The following TAMALIN variants were observed in gnomAD, a reference collection of about 807,000 sequenced individuals.
TAMALIN encodes protein TAMALIN.
In TAMALIN, 9 loss-of-function variants were observed where a neutral mutation model predicts 38.5. That is an observed-to-expected ratio of 0.23 (90% CI 0.14 to 0.41). TAMALIN has a LOEUF of 0.41. Ranked by LOEUF, TAMALIN falls within the 10% of genes least tolerant of loss-of-function variation. The probability of loss-of-function intolerance (pLI) is 1.00; values close to 1 mark genes in which losing one functional copy is unlikely to be tolerated. For synonymous variants in TAMALIN, 306 were observed against 256.5 expected, an observed-to-expected ratio of 1.19 and a Z score of -1.85; for missense variants, 548 against 554.1, an observed-to-expected ratio of 0.99 and a Z score of 0.11.
Position 52,010,865 on chromosome 12 carries a change from C to A in TAMALIN, c.297-16C>A, listed in dbSNP as rs1327741367. The A allele has an allele frequency of 1.9e-6, 3 of 1,613,720 alleles. No homozygotes were observed. In the African/African-American group the frequency reaches 4.0e-5, roughly 22 times the overall value. On this transcript the variant is annotated splice_polypyrimidine_tract_variant and intron_variant, in intron 2 of 7. Transcript: ENST00000293662. Reference sequence around the variant, plus strand: ...CCTTTTAATCCTAATTGTCTTGACCCCTGTGTCTCTTGCAGGAAAGTGCTG... The same window carrying A: ...CCTTTTAATCCTAATTGTCTTGACCACTGTGTCTCTTGCAGGAAAGTGCTG...
chr12:52,007,370 A>T lies in TAMALIN; in HGVS notation c.246+105A>T. On this transcript the variant is annotated intron_variant, in intron 1 of 7. Coordinates refer to ENST00000293662, the MANE Select transcript of TAMALIN (RefSeq NM_181711.4). This position sits in a 1 kb window ranked among gnomAD's most constrained non-coding sequence, Gnocchi z 6.7. ...CTCCTCGGCGTCCGCGGAGTCCCCC[A>T]CCTTCTTCCCCGGCCCGCTGGGTGC... The T allele has an allele frequency of 8.7e-6, 11 of 1,270,894 alleles. No homozygotes were observed. The highest frequency in any genetic ancestry group is 1.1e-5 in the Non-Finnish European group (11 of 1,009,150). The allele number at this position is 1,270,894 out of a possible 1,614,324, so 78.7% of individuals were successfully genotyped here.
Position 52,008,205 on chromosome 12 carries a change from C to T in TAMALIN, c.246+940C>T, listed in dbSNP as rs923095992. 11 of 985,334 alleles carry T rather than the reference C, an allele frequency of 1.1e-5. No homozygotes were observed. In the African/African-American group the frequency reaches 1.2e-4, roughly 11 times the overall value. 61.0% of individuals were successfully genotyped at this position (985,334 alleles called of 1,614,324 possible). A position where few individuals can be genotyped will look rare whatever the true frequency, so the allele number is the denominator to read the frequency against. The stretch of plus-strand genomic sequence containing the variant: ...TGAGGCCAATCTGGTTCTGAACCTT[C>T]TCTTCCTTGCCTTGGGCAGCTTTGG... On this transcript the variant is annotated intron_variant, in intron 1 of 7. Transcript: ENST00000293662.
At position 52,014,709 on chromosome 12, in the gene TAMALIN, A is replaced by G; in HGVS notation, c.698A>G (p.Asp233Gly). ...CTCTGCGCAGGCCTGGTGGTGAAGG[A>G]CCCCAGCATCTACGACACGCTGGAG... ...QRLVHGLVVK[D>G]PSIYDTLESV... The change falls in exon 8 of 8, where the codon GAC becomes GGC. Residue 233 changes from aspartate (D) to glycine (G), a missense_variant. Around this residue, in one of 3 missense-constraint regions of TAMALIN, gnomAD observed 415 missense variants for 417.0 expected, o/e 1.00. Coordinates refer to ENST00000293662, the MANE Select transcript of TAMALIN (RefSeq NM_181711.4). 1 of 1,499,780 alleles carries G rather than the reference A, an allele frequency of 6.7e-7. No homozygotes were observed. The allele number at this position is 1,499,780 out of a possible 1,614,324, so 92.9% of individuals were successfully genotyped here. A position where few individuals can be genotyped will look rare whatever the true frequency, so the allele number is the denominator to read the frequency against.
chr12:52,013,474 A>G (rs1937708017), intron 4 of TAMALIN: 1 of 570,590 alleles, frequency 1.8e-6, no homozygotes, highest in Non-Finnish European at 3.2e-6. Flanking sequence ...TAGTCACTAC[A>G]GGCCCACAAG....
intron 4 of TAMALIN, among the ~76,000 whole-genome samples, chr12:52,013,090 T>G (rs1188488005): frequency 6.7e-6 from 1 of 149,782 alleles, no homozygotes; most frequent in African/African-American, 2.5e-5. Flanking sequence ...TTTTTTTTTT[T>G]TTTTTGAGAC....
Position 52,014,761 on chromosome 12 carries a change from G to A in TAMALIN, c.750G>A (p.Ala250=). The change falls in exon 8 of 8, where the codon GCG becomes GCA. Residue 250 remains alanine, a synonymous_variant. Coordinates refer to ENST00000293662, the MANE Select transcript of TAMALIN (RefSeq NM_181711.4). ...LESVRSCLYG[A]GLLPGSLPFG... is the part of the protein sequence containing the mutation. ...CGGTGCGCTCCTGCCTCTACGGCGC[G>A]GGCCTGCTCCCGGGCTCGCTGCCCT... 1.3e-6 allele frequency: 2 copies of A among 1,499,978 alleles called. No homozygotes were observed. The highest frequency in any genetic ancestry group is 1.4e-5 in the African/African-American group (1 of 69,324). 92.9% of individuals were successfully genotyped at this position (1,499,978 alleles called of 1,614,324 possible).
chr12:52,013,754 C>T lies in TAMALIN; in HGVS notation c.522C>T (p.Ile174=). ...EGIRHREIVD[I]IKASGNVLRL... ...TCCGGCATCGAGAGATTGTGGACAT[C>T]ATTAAGGCGTCAGGCAATGTTCTCA... The change falls in exon 5 of 8, where the codon ATC becomes ATT. Residue 174 remains isoleucine (I), a synonymous_variant. Coordinates refer to ENST00000293662, the MANE Select transcript of TAMALIN (RefSeq NM_181711.4). 6.2e-7 allele frequency: 1 copy of T among 1,614,136 alleles called. No homozygotes were observed. Among genetic ancestry groups the T allele is most frequent in the South Asian group, 1.1e-5 (1 of 91,076 alleles).
Position 52,014,682 on chromosome 12 carries a change from G to GTC in TAMALIN, c.683-8_683-7dup. ...GCCTGACCCGCCCCCTACCTCTCCCGTCTCTGCGCAGGCCTGGTGGTGAAG... is the reference window on the plus strand; with the variant it reads ...GCCTGACCCGCCCCCTACCTCTCCCGTCTCTCTGCGCAGGCCTGGTGGTGAAG... On this transcript the variant is annotated splice_polypyrimidine_tract_variant and intron_variant, in intron 7 of 7. Transcript: ENST00000293662. 6.8e-7 allele frequency: 1 copy of GTC among 1,476,054 alleles called. No homozygotes were observed. Among genetic ancestry groups the GTC allele is most frequent in the South Asian group, 1.4e-5 (1 of 70,652 alleles). The allele number at this position is 1,476,054 out of a possible 1,614,324, so 91.4% of individuals were successfully genotyped here. A position where few individuals can be genotyped will look rare whatever the true frequency, so the allele number is the denominator to read the frequency against.
chr12:52,007,611 C>T lies in TAMALIN; in HGVS notation c.246+346C>T, dbSNP rs1948801132. On this transcript the variant is annotated intron_variant, in intron 1 of 7. Coordinates refer to ENST00000293662, the MANE Select transcript of TAMALIN (RefSeq NM_181711.4). This position sits in a 1 kb window ranked among gnomAD's most constrained non-coding sequence, Gnocchi z 6.7. ...CAGGTGTCCTGGGTCCCCAGGAGCC[C>T]CTCGCCCGAGGGACAGAGACAGCCC... The T allele has an allele frequency of 3.0e-6, 3 of 985,356 alleles. 1 individual carries two copies. The African/African-American group carries it at 5.2e-5, about 17-fold the overall frequency. The allele number at this position is 985,356 out of a possible 1,614,324, so 61.0% of individuals were successfully genotyped here.
chr12:52,007,173 G>T lies in TAMALIN; in HGVS notation c.154G>T (p.Ala52Ser), dbSNP rs999628574. ...PAAAATPGPP[A>S]DELYAALEDY... ...CGCAGCCGCCACCCCTGGGCCCCCA[G>T]CGGACGAGCTGTACGCGGCGCTGGA... is the stretch of plus-strand genomic sequence containing the variant. The change falls in exon 1 of 8, where the codon GCG becomes TCG. Residue 52 changes from alanine (A) to serine (S), a missense_variant. Physicochemically the swap from Ala to Ser is moderately conservative, Grantham distance 99. This residue lies in a region of TAMALIN where 128 missense variants were observed against 117.9 expected (regional missense o/e 1.09). Transcript: ENST00000293662. The surrounding 1 kb of genome is among the most constrained non-coding windows in gnomAD (Gnocchi z 6.7). The T allele has an allele frequency of 2.0e-6, 3 of 1,504,782 alleles. No individual in the cohort carries two copies. Among genetic ancestry groups the T allele is most frequent in the Middle Eastern group, 3.7e-4 (2 of 5,394 alleles). 93.2% of individuals were successfully genotyped at this position (1,504,782 alleles called of 1,614,324 possible).
At chr12:52,008,183 G>A (rs1942446075) in intron 1 of TAMALIN, 4 of 985,292 alleles carry the variant, frequency 4.1e-6, no homozygotes, top group East Asian at 1.1e-4. Context: ...CCACCCCTGA[G>A]GCCAATCTGG....
chr12:52,013,106 C>T (rs1216776205), intron 4 of TAMALIN, among the ~76,000 whole-genome samples: 1 of 133,868 alleles, frequency 7.5e-6, no homozygotes, highest in Non-Finnish European at 1.5e-5. Flanking sequence ...GAGACGGAGT[C>T]TCGCTCTGTC....
Position 52,007,088 on chromosome 12 carries a change from C to T in TAMALIN, c.69C>T (p.Ala23=). Residue 23 remains alanine, a synonymous_variant, in exon 1 of 8, where the codon GCC becomes GCT. Coordinates refer to ENST00000293662, the MANE Select transcript of TAMALIN (RefSeq NM_181711.4). The surrounding 1 kb of genome is among the most constrained non-coding windows in gnomAD (Gnocchi z 6.7). ...CGGCGGCCACCCCGGACCCCGCCGCCCGGACTCCCGACTCGGAAGTCGCGC... is the reference window on the plus strand; with the variant it reads ...CGGCGGCCACCCCGGACCCCGCCGCTCGGACTCCCGACTCGGAAGTCGCGC... ...EEAAATPDPA[A]RTPDSEVAPA... 4 of 1,479,552 alleles carry T rather than the reference C, an allele frequency of 2.7e-6. No individual in the cohort carries two copies. The highest frequency in any genetic ancestry group is 2.3e-4 in the Middle Eastern group (1 of 4,258). The allele number at this position is 1,479,552 out of a possible 1,614,324, so 91.7% of individuals were successfully genotyped here. A position where few individuals can be genotyped will look rare whatever the true frequency, so the allele number is the denominator to read the frequency against.
rs1253078894 is a variant in TAMALIN, at chr12:52,015,531, C to T, written c.*332C>T. 4.2e-6 allele frequency: 1 copy of T among 239,846 alleles called. No homozygotes were observed. 14.9% of individuals were successfully genotyped at this position (239,846 alleles called of 1,614,324 possible). A position where few individuals can be genotyped will look rare whatever the true frequency, so the allele number is the denominator to read the frequency against. On this transcript the variant is annotated 3_prime_UTR_variant, in exon 8 of 8. Transcript: ENST00000293662. ...CACCCTCCCAGCAGGGGATGGGAAC[C>T]CTGTCCCATGAAGCCCTCTCCTCAG...
intron 2 of TAMALIN, among the ~76,000 whole-genome samples, chr12:52,010,043 C>T (rs1267314078): frequency 6.6e-6 from 1 of 152,172 alleles, no homozygotes; most frequent in Admixed American, 6.5e-5. Context: ...CGCGGAACTC[C>T]CAGCCACCCT....
chr12:52,015,757 G>C lies in TAMALIN; in HGVS notation c.*558G>C, dbSNP rs1437483050. The C allele has an allele frequency of 1.3e-5, 2 of 155,270 alleles. No homozygotes were observed. The highest frequency in any genetic ancestry group is 4.8e-5 in the African/African-American group (2 of 41,592). 9.6% of individuals were successfully genotyped at this position (155,270 alleles called of 1,614,324 possible). Reference sequence around the variant, plus strand: ...CTAAGTCGGGTCCTGCCAGGCAGGGGGCCTGTGTTCTGTGCCCCTTGGGAG... The same window carrying C: ...CTAAGTCGGGTCCTGCCAGGCAGGGCGCCTGTGTTCTGTGCCCCTTGGGAG... On this transcript the variant is annotated 3_prime_UTR_variant, in exon 8 of 8. Coordinates refer to ENST00000293662, the MANE Select transcript of TAMALIN (RefSeq NM_181711.4).
Position 52,007,881 on chromosome 12 carries a change from G to A in TAMALIN, c.246+616G>A. ...CGGACGCAGTGGGAGGGGTCGCAGG[G>A]CGCCCGCGGGGCAGGAAGGATGCGG... On this transcript the variant is annotated intron_variant, in intron 1 of 7. Coordinates refer to ENST00000293662, the MANE Select transcript of TAMALIN (RefSeq NM_181711.4). The surrounding 1 kb of genome is among the most constrained non-coding windows in gnomAD (Gnocchi z 6.7). 1 of 985,396 alleles carries A rather than the reference G, an allele frequency of 1.0e-6. No individual in the cohort carries two copies. The highest frequency in any genetic ancestry group is 1.2e-6 in the Non-Finnish European group (1 of 829,910). The allele number at this position is 985,396 out of a possible 1,614,324, so 61.0% of individuals were successfully genotyped here. A position where few individuals can be genotyped will look rare whatever the true frequency, so the allele number is the denominator to read the frequency against.
chr12:52,014,089 G>A, intron 6 of TAMALIN, 46 bp from the exon 7 acceptor site: 1 of 1,590,408 alleles, frequency 6.3e-7, no homozygotes, highest in Non-Finnish European at 8.6e-7. Flanking sequence ...CGTCCTGCTA[G>A]TTTCCTGCTA....
chr12:52,007,663 CCGGTGGGA>C lies in TAMALIN; in HGVS notation c.246+399_246+406del. The stretch of plus-strand genomic sequence containing the variant: ...AGGCAAGTTGAAGGTCCGAGAGCCC[CCGGTGGGA>C]GAAGCGGGCCGGTGGCTGCGCCGCG... On this transcript the variant is annotated intron_variant, in intron 1 of 7. Transcript: ENST00000293662. This position sits in a 1 kb window ranked among gnomAD's most constrained non-coding sequence, Gnocchi z 6.7. 1.0e-6 allele frequency: 1 copy of C among 985,436 alleles called. No individual in the cohort carries two copies. Among genetic ancestry groups the C allele is most frequent in the Non-Finnish European group, 1.2e-6 (1 of 829,930 alleles). The allele number at this position is 985,436 out of a possible 1,614,324, so 61.0% of individuals were successfully genotyped here.
Sources: allele counts gnomAD v4.1 joint callset (sites outside exome capture counted in the v4.1 genomes callset), GRCh38; gene constraint gnomAD v4.1.1; regional missense constraint gnomAD v4.1.1; non-coding constraint Gnocchi (gnomAD v3.1); transcripts MANE v1.5; gene names NCBI Gene and HGNC (gene_info 2026-07-23, HGNC 2026-07-21).